The following ALKBH5 variants were observed in gnomAD, a reference collection of about 807,000 sequenced individuals.
ALKBH5 encodes the protein RNA demethylase ALKBH5.
Under a neutral mutation model 32.1 loss-of-function variants are expected in ALKBH5, and 2 were observed. The ratio of observed to expected loss-of-function variants is 0.06; its 90% CI spans 0.03 to 0.20. The LOEUF is 0.20. Ranked by LOEUF, ALKBH5 falls within the 10% of genes least tolerant of loss-of-function variation. The pLI is 1.00. For missense variants in ALKBH5, 352 were observed against 559.5 expected (o/e 0.63, Z 3.74); for synonymous variants, 300 against 231.7 (o/e 1.29, Z -2.68).
intron 2 of ALKBH5, among the ~76,000 whole-genome samples, chr17:18,205,349 G>A (rs2047263296): frequency 6.6e-6 from 1 of 152,198 alleles, no homozygotes; most frequent in Non-Finnish European, 1.5e-5. Flanking sequence ...AGTCCAGAGT[G>A]GAGTCTGAGA....
intron 2 of ALKBH5, among the ~76,000 whole-genome samples, chr17:18,200,222 T>C (rs961569785): frequency 6.6e-6 from 1 of 151,260 alleles, no homozygotes. Context: ...AATGGTAAGC[T>C]CAAAGGCTAG....
chr17:18,202,890 A>G (rs1597841925), intron 2 of ALKBH5, among the ~76,000 whole-genome samples: 1 of 152,064 alleles, frequency 6.6e-6, no homozygotes, highest in Non-Finnish European at 1.5e-5. Flanking sequence ...CCTGGCCAAC[A>G]TGGTGAAACC....
chr17:18,188,611 CAG>C (rs1205277667), intron 1 of ALKBH5, among the ~76,000 whole-genome samples: 4 of 152,222 alleles, frequency 2.6e-5, no homozygotes, highest in African/African-American at 9.6e-5. Context: ...AGGATGAAGT[CAG>C]GGCTGTGCAC....
chr17:18,208,571 T>A lies in ALKBH5; in HGVS notation c.*175T>A. The A allele has an allele frequency of 1.3e-6, 1 of 785,490 alleles. No homozygotes were observed. Among genetic ancestry groups the A allele is most frequent in the Non-Finnish European group, 2.1e-6 (1 of 470,282 alleles). 48.7% of individuals were successfully genotyped at this position (785,490 alleles called of 1,614,324 possible). On this transcript the variant is annotated 3_prime_UTR_variant, in exon 4 of 4. Coordinates refer to ENST00000399138, the MANE Select transcript of ALKBH5 (RefSeq NM_017758.4). Reference sequence around the variant, plus strand: ...GCCTGTTAGGGCTGAAGAATAGAATTGGCCAGGACCTAGGTTCTCATATTC... The same window carrying A: ...GCCTGTTAGGGCTGAAGAATAGAATAGGCCAGGACCTAGGTTCTCATATTC...
At chr17:18,201,782 GATA>G (rs1567676628) in intron 2 of ALKBH5, among the ~76,000 whole-genome samples, 37 of 96,742 alleles carry the variant, frequency 3.8e-4, no homozygotes, top group African/African-American at 1.5e-3. Context: ...TAGATAGATA[GATA>G]GGATAGATAA....
At chr17:18,205,788 A>G (rs1029585386) in intron 2 of ALKBH5, among the ~76,000 whole-genome samples, 7 of 152,182 alleles carry the variant, frequency 4.6e-5, no homozygotes, top group African/African-American at 9.7e-5. Flanking sequence ...CCTCCTGCTT[A>G]CTTCTCCCCA....
chr17:18,185,291 C>G (rs1207281366), intron 1 of ALKBH5, among the ~76,000 whole-genome samples: 1 of 152,024 alleles, frequency 6.6e-6, no homozygotes, highest in African/African-American at 2.4e-5. Context: ...GAAGGCTGTT[C>G]CCTTTGATTT....
chr17:18,202,222 G>A (rs995350954), intron 2 of ALKBH5, among the ~76,000 whole-genome samples: 2 of 151,578 alleles, frequency 1.3e-5, no homozygotes, highest in Non-Finnish European at 2.9e-5. Context: ...GCAGGAGAAT[G>A]GCATGAACCC....
chr17:18,198,000 A>G (rs150161266), intron 2 of ALKBH5, among the ~76,000 whole-genome samples: 7 of 152,252 alleles, frequency 4.6e-5, no homozygotes, highest in African/African-American at 9.6e-5. Context: ...TCTTGTGGCA[A>G]TGTGGCCTCC....
chr17:18,190,459 G>A (rs1238615949), intron 1 of ALKBH5, among the ~76,000 whole-genome samples: 1 of 149,514 alleles, frequency 6.7e-6, no homozygotes, highest in Non-Finnish European at 1.5e-5. Flanking sequence ...CTGAGGCAGA[G>A]AATTGCTTGA....
At chr17:18,201,775 A>ATAGATAGATAGGTAGATAGG (rs1555550992) in intron 2 of ALKBH5, among the ~76,000 whole-genome samples, 10 of 141,768 alleles carry the variant, frequency 7.1e-5, no homozygotes, top group Non-Finnish European at 1.5e-4. Context: ...AGATAGATAG[A>ATAGATAGATAGGTAGATAGG]TAGATAGATA....
intron 1 of ALKBH5, among the ~76,000 whole-genome samples, chr17:18,191,384 C>T (rs2047173752): frequency 6.6e-6 from 1 of 152,150 alleles, no homozygotes; most frequent in Non-Finnish European, 1.5e-5. Flanking sequence ...GCCTGTGCAG[C>T]CCTACCTCCA....
chr17:18,208,226 A>G lies in ALKBH5; in HGVS notation c.1015A>G (p.Ile339Val). Residue 339 changes from isoleucine (I) to valine (V), a missense_variant, in exon 4 of 4, where the codon ATC becomes GTC. Ile to Val is a conservative substitution (Grantham distance 29). Around this residue, in one of 4 missense-constraint regions of ALKBH5, gnomAD observed 124 missense variants for 142.4 expected, o/e 0.87. Coordinates refer to ENST00000399138, the MANE Select transcript of ALKBH5 (RefSeq NM_017758.4). ...ACCTCCCTTTCCTTGCAGGCCACGG[A>G]TCCTGGAGATGGACAAGGAAGAGAA... ...ADPDAAHRPR[I>V]LEMDKEENRR... 6.2e-7 allele frequency: 1 copy of G among 1,606,310 alleles called. No individual in the cohort carries two copies. Among genetic ancestry groups the G allele is most frequent in the South Asian group, 1.1e-5 (1 of 90,674 alleles).
intron 1 of ALKBH5, among the ~76,000 whole-genome samples, chr17:18,194,163 G>A (rs552318223): frequency 1.3e-4 from 20 of 150,942 alleles, no homozygotes; most frequent in Middle Eastern, 3.4e-3. Context: ...GGCAGGGGGT[G>A]GGGGTCAGTG....
chr17:18,201,772 T>C, intron 2 of ALKBH5, among the ~76,000 whole-genome samples: 1 of 134,832 alleles, frequency 7.4e-6, no homozygotes, highest in Admixed American at 7.7e-5. Context: ...GATAGATAGA[T>C]AGATAGATAG....
chr17:18,205,612 T>G (rs1313266025), intron 2 of ALKBH5, among the ~76,000 whole-genome samples: 1 of 152,214 alleles, frequency 6.6e-6, no homozygotes, highest in Non-Finnish European at 1.5e-5. Context: ...CCCCGTGACT[T>G]GCAGGATGCA....
intron 2 of ALKBH5, among the ~76,000 whole-genome samples, chr17:18,201,089 G>C (rs1013465148): frequency 6.6e-6 from 1 of 152,174 alleles, no homozygotes; most frequent in Admixed American, 6.5e-5. Flanking sequence ...ATGAGCAGTG[G>C]AAGGAAGTGG....
chr17:18,206,231 T>TA (rs1252823963), intron 2 of ALKBH5, among the ~76,000 whole-genome samples: 1 of 152,226 alleles, frequency 6.6e-6, no homozygotes, highest in Non-Finnish European at 1.5e-5. Context: ...CTCTGGCCTT[T>TA]ACCTTGTCAG....
At chr17:18,194,901 A>T in intron 1 of ALKBH5, 54 bp from the exon 2 acceptor site, 1 of 1,539,078 alleles carries the variant, frequency 6.5e-7, no homozygotes, top group South Asian at 1.1e-5. Context: ...ATCCCCCAGG[A>T]ACTTTGGTTG....
Sources: allele counts gnomAD v4.1 joint callset (sites outside exome capture counted in the v4.1 genomes callset), GRCh38; gene constraint gnomAD v4.1.1; regional missense constraint gnomAD v4.1.1; transcripts MANE v1.5; gene names NCBI Gene and HGNC (gene_info 2026-07-23, HGNC 2026-07-21).